Variants in AATF observed in about 807,000 individuals in gnomAD.
AATF encodes the protein apoptosis antagonizing transcription factor, also known as protein AATF.
In AATF, 48 loss-of-function variants were observed where a neutral mutation model predicts 63.7. The ratio of observed to expected loss-of-function variants is 0.75; its 90% CI spans 0.60 to 0.96. AATF has a LOEUF of 0.96. Ranked by LOEUF, AATF falls within the 40% of genes least tolerant of loss-of-function variation. AATF has a pLI of 0.00. For missense variants in AATF, 639 were observed against 685.7 expected (o/e 0.93, Z 0.76); for synonymous variants, 258 against 247.7 (o/e 1.04, Z -0.39).
intron 9 of AATF, among the ~76,000 whole-genome samples, chr17:37,019,613 G>A (rs2071454405): frequency 6.6e-6 from 1 of 152,076 alleles, no homozygotes; most frequent in Admixed American, 6.5e-5. Context: ...TCCTGTGGTT[G>A]GAAAATAAAA....
intron 11 of AATF, among the ~76,000 whole-genome samples, chr17:37,046,459 C>G (rs2142319707): frequency 6.6e-6 from 1 of 152,196 alleles, no homozygotes; most frequent in Non-Finnish European, 1.5e-5. Context: ...TGGCCAGCAG[C>G]TGGAAGGGCT....
At chr17:37,016,548 A>G (rs2071429888) in intron 8 of AATF, among the ~76,000 whole-genome samples, 2 of 152,212 alleles carry the variant, frequency 1.3e-5, no homozygotes, top group African/African-American at 4.8e-5. Context: ...TCCAAATCAC[A>G]TAGAAAATTA....
intron 10 of AATF, among the ~76,000 whole-genome samples, chr17:37,022,783 C>T: frequency 6.6e-6 from 1 of 152,050 alleles, no homozygotes; most frequent in Non-Finnish European, 1.5e-5. Flanking sequence ...TAGAATAGTG[C>T]CAGGTACATA....
intron 11 of AATF, among the ~76,000 whole-genome samples, chr17:37,044,518 G>A (rs903173145): frequency 3.3e-5 from 5 of 152,058 alleles, no homozygotes; most frequent in African/African-American, 9.7e-5. Flanking sequence ...CCTAAACTTT[G>A]TATACACTAT....
intron 4 of AATF, among the ~76,000 whole-genome samples, chr17:36,966,996 G>T (rs1206788566): frequency 1.3e-5 from 2 of 152,140 alleles, no homozygotes; most frequent in African/African-American, 4.8e-5. Flanking sequence ...CTGCTTGGGT[G>T]TATCACTTCT....
At chr17:37,001,255 G>A (rs1447281477) in intron 8 of AATF, among the ~76,000 whole-genome samples, 1 of 151,708 alleles carries the variant, frequency 6.6e-6, no homozygotes, top group Non-Finnish European at 1.5e-5. Flanking sequence ...GGGAGGTTGA[G>A]GCTGCAGTGA....
intron 11 of AATF, chr17:37,054,447 T>C (rs1414124294): frequency 1.3e-5 from 2 of 152,224 alleles, no homozygotes; most frequent in African/African-American, 4.8e-5. Context: ...ACTTTTAGAT[T>C]GAAATAATCC....
chr17:37,040,900 G>A (rs541093008), intron 11 of AATF, among the ~76,000 whole-genome samples: 4 of 152,238 alleles, frequency 2.6e-5, no homozygotes, highest in African/African-American at 9.6e-5. Flanking sequence ...CTCATAATTA[G>A]CTTTGAATCC....
chr17:37,014,214 G>T (rs1282575347), intron 8 of AATF, among the ~76,000 whole-genome samples: 1 of 151,700 alleles, frequency 6.6e-6, no homozygotes, highest in Non-Finnish European at 1.5e-5. Flanking sequence ...GCTGCAATGC[G>T]CTGAGATTGC....
At chr17:37,032,948 C>T (rs1395338498) in intron 11 of AATF, among the ~76,000 whole-genome samples, 1 of 152,164 alleles carries the variant, frequency 6.6e-6, no homozygotes, top group Non-Finnish European at 1.5e-5. Flanking sequence ...TTGGTCATAA[C>T]ATAGGCACAG....
At position 36,949,735 on chromosome 17, in the gene AATF, T is replaced by A. The variant is rs564846110; in HGVS notation, c.92-479T>A. 2.0e-5 allele frequency among the ~76,000 whole-genome samples: 3 copies of A among 152,274 alleles called. No homozygotes were observed. The South Asian group carries it at 6.2e-4, about 32-fold the overall frequency. On this transcript the variant is annotated intron_variant, in intron 1 of 11. Transcript: ENST00000619387. ...CTGTTCTGTAAGCTGATGTTCAGAG[T>A]CTAGCTGGGAGTAATCCCGCTTTAG...
chr17:37,015,363 A>G (rs1246553633), intron 8 of AATF, among the ~76,000 whole-genome samples: 1 of 152,216 alleles, frequency 6.6e-6, no homozygotes, highest in East Asian at 1.9e-4. Flanking sequence ...TATTTCTCAC[A>G]GTTCTGGAGG....
At chr17:36,976,851 G>A (rs1489339923) in intron 4 of AATF, among the ~76,000 whole-genome samples, 1 of 152,144 alleles carries the variant, frequency 6.6e-6, no homozygotes, top group Non-Finnish European at 1.5e-5. Flanking sequence ...TTCAATTTAA[G>A]CGATGGTAAT....
At chr17:37,034,289 T>C (rs999368064) in intron 11 of AATF, among the ~76,000 whole-genome samples, 2 of 152,198 alleles carry the variant, frequency 1.3e-5, no homozygotes, top group Non-Finnish European at 2.9e-5. Context: ...TCTCCTAGTA[T>C]CAAAATTTTT....
intron 9 of AATF, 83 bp from the exon 10 acceptor site, chr17:37,020,851 G>C: frequency 2.7e-6 from 3 of 1,121,286 alleles, no homozygotes; most frequent in Non-Finnish European, 3.8e-6. Context: ...TTTCTGCAGG[G>C]TTGTTAGAAT....
chr17:36,997,536 T>G (rs2071263553), intron 8 of AATF, among the ~76,000 whole-genome samples: 1 of 152,088 alleles, frequency 6.6e-6, no homozygotes, highest in Non-Finnish European at 1.5e-5. Context: ...ACCACCTTAC[T>G]CCTGCAAGAA....
intron 4 of AATF, among the ~76,000 whole-genome samples, chr17:36,974,365 A>G (rs1037300851): frequency 6.6e-6 from 1 of 152,082 alleles, no homozygotes; most frequent in Non-Finnish European, 1.5e-5. Context: ...CATTGTGTGG[A>G]TAGTTTAACC....
intron 9 of AATF, among the ~76,000 whole-genome samples, chr17:37,019,542 T>C (rs918728039): frequency 3.3e-5 from 5 of 152,196 alleles, no homozygotes; most frequent in African/African-American, 1.2e-4. Context: ...CGTGGCAGCA[T>C]TACCCAGATG....
At chr17:37,049,716 A>G (rs1449242125) in intron 11 of AATF, among the ~76,000 whole-genome samples, 3 of 152,136 alleles carry the variant, frequency 2.0e-5, no homozygotes, top group African/African-American at 7.2e-5. Flanking sequence ...GTTTCTGGCA[A>G]TCAGAATGGA....
Sources: gnomAD v4.1 joint callset for allele counts (sites outside exome capture counted in the v4.1 genomes callset) on GRCh38, gnomAD v4.1.1 for gene constraint, MANE v1.5 for transcripts, NCBI Gene and HGNC (gene_info 2026-07-23, HGNC 2026-07-21) for gene names.